CDH13: variants seen among roughly 807,000 people sequenced by gnomAD.
CDH13 encodes the protein cadherin 13.
Under a neutral mutation model 63.8 loss-of-function variants are expected in CDH13, and 24 were observed. The ratio of observed to expected loss-of-function variants is 0.38; its 90% CI spans 0.27 to 0.53. CDH13 has a LOEUF of 0.53. CDH13 is among the 20% of genes least tolerant of loss of function. The probability of loss-of-function intolerance (pLI) is 0.85; values close to 1 mark genes in which losing one functional copy is unlikely to be tolerated. For synonymous variants in CDH13, 503 were observed against 355.3 expected (o/e 1.42, Z -4.67); for missense variants, 1,049 against 903.1 (o/e 1.16, Z -2.07).
intron 7 of CDH13, among the ~76,000 whole-genome samples, chr16:83,598,609 C>T (rs879449168): frequency 1.3e-5 from 2 of 152,068 alleles, no homozygotes; most frequent in Admixed American, 1.3e-4. Flanking sequence ...TGCCTTATTC[C>T]TACCTACGGA....
intron 5 of CDH13, among the ~76,000 whole-genome samples, chr16:83,254,952 T>TTTCTTTCGTTCG (rs1906040087): frequency 6.9e-6 from 1 of 145,498 alleles, no homozygotes; most frequent in African/African-American, 2.6e-5. Flanking sequence ...TCTTTTTCTC[T>TTTCTTTCGTTCG]TTCTTTCTTT....
intron 2 of CDH13, among the ~76,000 whole-genome samples, chr16:82,875,457 C>G (rs922524963): frequency 2.0e-5 from 3 of 152,100 alleles, no homozygotes; most frequent in Admixed American, 6.5e-5. Context: ...ATGACAAGGT[C>G]TCAGAAAGGA....
intron 1 of CDH13, among the ~76,000 whole-genome samples, chr16:82,717,890 C>T (rs1321952040): frequency 1.3e-5 from 2 of 152,106 alleles, no homozygotes; most frequent in Non-Finnish European, 2.9e-5. Flanking sequence ...CCAGTTTATT[C>T]CCAAAATGCA....
chr16:82,771,294 C>A (rs969258509), intron 1 of CDH13, among the ~76,000 whole-genome samples: 7 of 152,066 alleles, frequency 4.6e-5, no homozygotes, highest in Non-Finnish European at 1.0e-4. Context: ...TGTTATATGT[C>A]AATTATATAC....
At chr16:83,100,404 C>T (rs571099984) in intron 3 of CDH13, among the ~76,000 whole-genome samples, 269 of 152,256 alleles carry the variant, frequency 1.8e-3, no homozygotes, top group Middle Eastern at 0.014. Context: ...TCACCCATTT[C>T]AGAAGAGAGG....
At chr16:82,830,763 G>T (rs1298012764) in intron 1 of CDH13, among the ~76,000 whole-genome samples, 1 of 152,142 alleles carries the variant, frequency 6.6e-6, no homozygotes, top group East Asian at 1.9e-4. Flanking sequence ...CATAAAAGAA[G>T]GCCAGTAAAA....
At position 83,668,957 on chromosome 16, in the gene CDH13, T is replaced by A. The variant is rs146243909; in HGVS notation, c.1102-1833T>A. On this transcript the variant is annotated intron_variant, in intron 8 of 13. Transcript: ENST00000567109. ...AGCTTCACCCATTCACAAGGGTAGG[T>A]CATGTCATTGACACCTGCCTGCCGT... Among the ~76,000 whole-genome samples, 8 of 152,308 alleles carry A rather than the reference T, an allele frequency of 5.3e-5. No individual in the cohort carries two copies. In the East Asian group the frequency reaches 1.5e-3, roughly 29 times the overall value.
In CDH13 at chr16:83,229,380, AT is replaced by A. The variant is rs1234344700; in HGVS notation, c.636+11885del. ...CAAACCAGAAAACCTTTATTTTTTA[AT>A]TCACAAGTAGAGGGTTGGGGAGCAT... On this transcript the variant is annotated intron_variant, in intron 5 of 13. Coordinates refer to ENST00000567109, the MANE Select transcript of CDH13 (RefSeq NM_001257.5). Among the ~76,000 whole-genome samples, 3 of 152,188 alleles carry A rather than the reference AT, an allele frequency of 2.0e-5. No individual in the cohort carries two copies. The East Asian group carries it at 5.8e-4, about 29-fold the overall frequency.
At chr16:82,971,954 C>A (rs1908817735) in intron 2 of CDH13, among the ~76,000 whole-genome samples, 1 of 152,158 alleles carries the variant, frequency 6.6e-6, no homozygotes, top group Admixed American at 6.5e-5. Flanking sequence ...TCTTCAGCTA[C>A]TTGAGGCACT....
At chr16:82,683,444 CCCAGTG>C (rs1385193727) in intron 1 of CDH13, among the ~76,000 whole-genome samples, 1 of 152,170 alleles carries the variant, frequency 6.6e-6, no homozygotes, top group African/African-American at 2.4e-5. Context: ...GCAATGTCAC[CCCAGTG>C]ACACGGAAGG....
chr16:82,918,717 C>T (rs9934454), intron 2 of CDH13, among the ~76,000 whole-genome samples: 3,523 of 152,096 alleles, frequency 0.023, 138 homozygotes, highest in African/African-American at 0.081. Flanking sequence ...ACGTGTTGGC[C>T]AGGCTGGTCT....
intron 2 of CDH13, among the ~76,000 whole-genome samples, chr16:82,867,333 C>T (rs1292185956): frequency 6.6e-6 from 1 of 151,944 alleles, no homozygotes; most frequent in African/African-American, 2.4e-5. Context: ...GTGTGTTTTC[C>T]CATCACTTTT....
intron 7 of CDH13, among the ~76,000 whole-genome samples, chr16:83,581,346 G>T (rs1905578751): frequency 6.6e-6 from 1 of 152,190 alleles, no homozygotes; most frequent in Non-Finnish European, 1.5e-5. Flanking sequence ...AACCAAGGGT[G>T]ACTTTCAGTG....
chr16:82,858,560 T>A lies in CDH13; in HGVS notation c.157+87T>A, dbSNP rs762796074. 28 of 878,700 alleles carry A rather than the reference T, an allele frequency of 3.2e-5. No individual in the cohort carries two copies. In the East Asian group the frequency reaches 6.6e-4, roughly 21 times the overall value. The allele number at this position is 878,700 out of a possible 1,614,324, so 54.4% of individuals were successfully genotyped here. ...ATGACTGTGTCTCAGGATGTGGTAT[T>A]TCCTAAACTAAGTGTTTTCTGATTA... On this transcript the variant is annotated intron_variant, in intron 2 of 13. Coordinates refer to ENST00000567109, the MANE Select transcript of CDH13 (RefSeq NM_001257.5).
At chr16:83,718,227 A>T (rs1209749708) in intron 10 of CDH13, among the ~76,000 whole-genome samples, 1 of 152,224 alleles carries the variant, frequency 6.6e-6, no homozygotes. Context: ...CAGGAGCTGA[A>T]TCCCAGAGGA....
intron 5 of CDH13, among the ~76,000 whole-genome samples, chr16:83,339,614 T>A (rs968231513): frequency 6.6e-6 from 1 of 152,094 alleles, no homozygotes; most frequent in African/African-American, 2.4e-5. Context: ...GGATCTGGTG[T>A]GTCAGCAGGA....
chr16:83,600,921 T>C (rs1907726385), intron 7 of CDH13, among the ~76,000 whole-genome samples: 1 of 152,156 alleles, frequency 6.6e-6, no homozygotes, highest in Non-Finnish European at 1.5e-5. Context: ...CCTTTGTTCT[T>C]GGATGCAGGG....
intron 1 of CDH13, among the ~76,000 whole-genome samples, chr16:82,749,666 A>G (rs996505751): frequency 1.3e-5 from 2 of 152,156 alleles, no homozygotes; most frequent in African/African-American, 4.8e-5. Flanking sequence ...TGCATTATGT[A>G]TATATTTTCC....
intron 5 of CDH13, among the ~76,000 whole-genome samples, chr16:83,233,584 T>G (rs1270675523): frequency 6.6e-6 from 1 of 152,264 alleles, no homozygotes; most frequent in East Asian, 1.9e-4. Context: ...TCCGACCTTT[T>G]CCAACTTTTG....
Sources: allele counts gnomAD v4.1 joint callset (sites outside exome capture counted in the v4.1 genomes callset), GRCh38; gene constraint gnomAD v4.1.1; transcripts MANE v1.5; gene names NCBI Gene and HGNC (gene_info 2026-07-23, HGNC 2026-07-21).